Variants in CFLAR observed in about 807,000 individuals in gnomAD.
CFLAR encodes CASP8 and FADD-like apoptosis regulator.
A neutral mutation model predicts 51.1 loss-of-function variants in CFLAR; 14 were observed. The ratio of observed to expected loss-of-function variants is 0.27; its 90% CI spans 0.18 to 0.43. The LOEUF (loss-of-function observed/expected upper bound fraction) is 0.43, where lower values mean the gene tolerates loss of function less well. Ranked by LOEUF, CFLAR falls within the 20% of genes least tolerant of loss-of-function variation. The probability of loss-of-function intolerance (pLI) is 1.00; values close to 1 mark genes in which losing one functional copy is unlikely to be tolerated. For synonymous variants in CFLAR, 210 were observed against 211.6 expected (o/e 0.99, Z 0.06); for missense variants, 390 against 566.5 (o/e 0.69, Z 3.16).
Position 201,118,915 on chromosome 2 carries a change from G to A in CFLAR, c.-138+2434G>A, listed in dbSNP as rs1005916368. 6.6e-6 allele frequency: 1 copy of A among 152,384 alleles called. No individual in the cohort carries two copies. 9.4% of individuals were successfully genotyped at this position (152,384 alleles called of 1,614,324 possible). A position where few individuals can be genotyped will look rare whatever the true frequency, so the allele number is the denominator to read the frequency against. On this transcript the variant is annotated intron_variant, in intron 1 of 9. Transcript: ENST00000309955. This position sits in a 1 kb window ranked among gnomAD's most constrained non-coding sequence, Gnocchi z 5.1. ...GGCTGCCCGGGCGTGAGTAGACCGA[G>A]AATCCTGCCCGATCCCCGCCCCTGG...
intron 5 of CFLAR, chr2:201,141,453 ACTT>A: frequency 6.5e-7 from 1 of 1,549,346 alleles, no homozygotes; most frequent in Non-Finnish European, 8.7e-7. Context: ...AACTGCCTCT[ACTT>A]AATCATTCTG....
intron 1 of CFLAR, among the ~76,000 whole-genome samples, chr2:201,125,271 G>T (rs1284589269): frequency 1.3e-5 from 2 of 152,122 alleles, no homozygotes; most frequent in Non-Finnish European, 2.9e-5. Context: ...GAGGCATGTT[G>T]AGAAGTGAAT....
At chr2:201,142,543 T>A (rs910561451) in intron 5 of CFLAR, 2 of 152,190 alleles carry the variant, frequency 1.3e-5, no homozygotes, top group Non-Finnish European at 2.9e-5. Flanking sequence ...CATACTCCTT[T>A]CACTGCACTG....
rs912454096 is a variant in CFLAR, at chr2:201,173,682, AT to A, written c.*9714del. 2.7e-5 allele frequency: 4 copies of A among 148,248 alleles called. No homozygotes were observed. Among genetic ancestry groups the A allele is most frequent in the African/African-American group, 9.9e-5 (4 of 40,256 alleles). 9.2% of individuals were successfully genotyped at this position (148,248 alleles called of 1,614,324 possible). A position where few individuals can be genotyped will look rare whatever the true frequency, so the allele number is the denominator to read the frequency against. On this transcript the variant is annotated 3_prime_UTR_variant, in exon 10 of 10. Coordinates refer to ENST00000309955, the MANE Select transcript of CFLAR (RefSeq NM_003879.7). The stretch of plus-strand genomic sequence containing the variant: ...TTTTAAAACTGCGTTATTTTATTTT[AT>A]TTTTCTGAGATGGAATCTCACTCTG...
chr2:201,129,755 A>G lies in CFLAR; in HGVS notation c.-111A>G. 4 of 1,020,422 alleles carry G rather than the reference A, an allele frequency of 3.9e-6. No individual in the cohort carries two copies. Among genetic ancestry groups the G allele is most frequent in the Non-Finnish European group, 5.8e-6 (4 of 686,710 alleles). The allele number at this position is 1,020,422 out of a possible 1,614,324, so 63.2% of individuals were successfully genotyped here. Reference sequence around the variant, plus strand: ...ACTCCCCCACTGGAAAGGATTCTGAAAGAAATGAAGTCAGCCCTCAGAAAT... The same window carrying G: ...ACTCCCCCACTGGAAAGGATTCTGAGAGAAATGAAGTCAGCCCTCAGAAAT... On this transcript the variant is annotated 5_prime_UTR_variant, in exon 2 of 10. Transcript: ENST00000309955.
At position 201,141,658 on chromosome 2, in the gene CFLAR, T is replaced by C. The variant is rs1938910169; in HGVS notation, c.606+1219T>C. On this transcript the variant is annotated intron_variant, in intron 5 of 9. Coordinates refer to ENST00000309955, the MANE Select transcript of CFLAR (RefSeq NM_003879.7). ...GATTTCAGCAAAAGTTATTTTGTTA[T>C]TGAGTGATGAAACAAAAGATTTTTG... 2.4e-6 allele frequency: 3 copies of C among 1,251,830 alleles called. No individual in the cohort carries two copies. In the South Asian group the frequency reaches 6.5e-5, roughly 27 times the overall value. 77.5% of individuals were successfully genotyped at this position (1,251,830 alleles called of 1,614,324 possible).
chr2:201,141,385 C>G, intron 5 of CFLAR: 2 of 1,559,096 alleles, frequency 1.3e-6, no homozygotes, highest in Non-Finnish European at 1.7e-6. Flanking sequence ...TGATAACACC[C>G]TATGCCCATT....
chr2:201,146,853 T>G (rs1460465442), intron 6 of CFLAR: 1 of 152,266 alleles, frequency 6.6e-6, no homozygotes, highest in Non-Finnish European at 1.5e-5. Flanking sequence ...CTTTGTGCTA[T>G]CTGCACCTGG....
At chr2:201,117,331 T>A (rs1166435294) in intron 1 of CFLAR, among the ~76,000 whole-genome samples, 1 of 152,196 alleles carries the variant, frequency 6.6e-6, no homozygotes, top group African/African-American at 2.4e-5. Context: ...CAAGATGTTC[T>A]TGCTTGAGGG....
At chr2:201,130,174 G>C (rs1330491287) in intron 2 of CFLAR, 28 bp downstream of exon 2, 2 of 1,456,104 alleles carry the variant, frequency 1.4e-6, no homozygotes, top group Non-Finnish European at 1.8e-6. Flanking sequence ...CCTGAGGCTG[G>C]GTGGGTGGGA....
chr2:201,128,525 A>G (rs1242499851), intron 1 of CFLAR, among the ~76,000 whole-genome samples: 1 of 152,122 alleles, frequency 6.6e-6, no homozygotes, highest in African/African-American at 2.4e-5. Flanking sequence ...TTTCATATAA[A>G]ATTTTTCTAT....
chr2:201,144,419 T>C (rs572566457), intron 5 of CFLAR: 3 of 152,354 alleles, frequency 2.0e-5, no homozygotes, highest in Non-Finnish European at 2.9e-5. Context: ...ATGTTGCTTA[T>C]GTGTAGCTAG....
chr2:201,151,606 C>A (rs192814268), intron 8 of CFLAR, among the ~76,000 whole-genome samples: 57 of 152,068 alleles, frequency 3.7e-4, no homozygotes, highest in Non-Finnish European at 6.9e-4. Context: ...AAAATATTTT[C>A]TTAATGAGTC....
chr2:201,155,506 C>T (rs1305208348), intron 8 of CFLAR, among the ~76,000 whole-genome samples: 3 of 152,056 alleles, frequency 2.0e-5, no homozygotes, highest in African/African-American at 4.8e-5. Context: ...TCAGGTGATC[C>T]GCCCGCCTCG....
rs149336947 is a variant in CFLAR at position 201,138,942 on chromosome 2, G to A, written c.524-1415G>A. The A allele has an allele frequency of 0.013, 8,278 of 616,914 alleles. 79 individuals are homozygous for A. The highest frequency in any genetic ancestry group is 0.016 in the Non-Finnish European group (5,173 of 323,838). 38.2% of individuals were successfully genotyped at this position (616,914 alleles called of 1,614,324 possible). Reference sequence around the variant, plus strand: ...TCAGCTATGAAGTCTATGAATCCTGGGAGAATCAAGAAGTCGTTGTAGGTG... The same window carrying A: ...TCAGCTATGAAGTCTATGAATCCTGAGAGAATCAAGAAGTCGTTGTAGGTG... On this transcript the variant is annotated intron_variant, in intron 4 of 9. Coordinates refer to ENST00000309955, the MANE Select transcript of CFLAR (RefSeq NM_003879.7). The surrounding 1 kb of genome is among the most constrained non-coding windows in gnomAD (Gnocchi z 4.0).
Position 201,137,859 on chromosome 2 carries a change from A to C in CFLAR, c.523+1752A>C, listed in dbSNP as rs966362438. On this transcript the variant is annotated intron_variant, in intron 4 of 9. Coordinates refer to ENST00000309955, the MANE Select transcript of CFLAR (RefSeq NM_003879.7). ...CTTGAGCTGCATTCCGTCTGAGAAGAAGCACTCGCCGGGGGCCTCCATGGT... is the reference window on the plus strand; with the variant it reads ...CTTGAGCTGCATTCCGTCTGAGAAGCAGCACTCGCCGGGGGCCTCCATGGT... 5.3e-5 allele frequency: 47 copies of C among 879,510 alleles called. No homozygotes were observed. The Admixed American group carries it at 6.1e-4, about 11-fold the overall frequency. The allele number at this position is 879,510 out of a possible 1,614,324, so 54.5% of individuals were successfully genotyped here. A position where few individuals can be genotyped will look rare whatever the true frequency, so the allele number is the denominator to read the frequency against.
At chr2:201,123,309 G>A (rs745310751) in intron 1 of CFLAR, among the ~76,000 whole-genome samples, 2 of 152,116 alleles carry the variant, frequency 1.3e-5, no homozygotes, top group Non-Finnish European at 2.9e-5. Context: ...AGTCTGTTTT[G>A]TGCTGCTATA....
Position 201,143,949 on chromosome 2 carries a change from C to CA in CFLAR, c.607-1417dup, listed in dbSNP as rs376723498. Among the ~76,000 whole-genome samples, 270 of 132,480 alleles carry CA rather than the reference C, an allele frequency of 2.0e-3. 3 individuals carry two copies. Among genetic ancestry groups the CA allele is most frequent in the Admixed American group, 5.2e-3 (69 of 13,154 alleles). The allele number at this position is 132,480 out of a possible 152,430, so 86.9% of individuals were successfully genotyped here. On this transcript the variant is annotated intron_variant, in intron 5 of 9. Coordinates refer to ENST00000309955, the MANE Select transcript of CFLAR (RefSeq NM_003879.7). ...TGGGTGACAGAGTGAGACTCTGTCT[C>CA]AAAAAAAAAAAAGAATTTAAAAATT...
intron 9 of CFLAR, among the ~76,000 whole-genome samples, chr2:201,161,259 T>C (rs576653104): frequency 6.6e-6 from 1 of 152,252 alleles, no homozygotes; most frequent in Non-Finnish European, 1.5e-5. Context: ...TAGTCCCAAC[T>C]GCTTGGGAGG....
Sources: allele counts gnomAD v4.1 joint callset (sites outside exome capture counted in the v4.1 genomes callset), GRCh38; gene constraint gnomAD v4.1.1; non-coding constraint Gnocchi (gnomAD v3.1); transcripts MANE v1.5; gene names NCBI Gene and HGNC (gene_info 2026-07-23, HGNC 2026-07-21).